DLG2: variants seen among roughly 807,000 people sequenced by gnomAD.
DLG2 encodes discs large MAGUK scaffold protein 2.
A neutral mutation model predicts 132.5 loss-of-function variants in DLG2; 45 were observed. That is an observed-to-expected ratio of 0.34 (90% CI 0.27 to 0.44). DLG2 has a LOEUF of 0.44. Among genes scored for constraint, DLG2 ranks in the 20% least tolerant of loss-of-function variants. The pLI, the probability that DLG2 is intolerant of heterozygous loss-of-function variation, is 1.00. For missense variants in DLG2, 1,045 were observed against 1,196.9 expected, an observed-to-expected ratio of 0.87 and a Z score of 1.87; for synonymous variants, 424 against 419.6, an observed-to-expected ratio of 1.01 and a Z score of -0.13.
rs2059428860 is a variant in DLG2 at position 83,606,926 on chromosome 11, C to A, written c.1940+26285G>T. Among the ~76,000 whole-genome samples the A allele has an allele frequency of 2.0e-5, 3 of 150,074 alleles. No individual in the cohort carries two copies. The South Asian group carries it at 6.3e-4, about 32-fold the overall frequency. ...TGGGCGACAGAGAGAGACTCCGTCT[C>A]AAAAAAAGAAAAAGAAAAAGAAAAA... is the stretch of plus-strand genomic sequence containing the variant. On this transcript the variant is annotated intron_variant, in intron 19 of 27. Transcript: ENST00000376104.
rs185647787 is a variant in DLG2, at chr11:85,357,175, T to C, written c.41-71810A>G. On this transcript the variant is annotated intron_variant, in intron 3 of 27. Coordinates refer to ENST00000376104, the MANE Select transcript of DLG2 (RefSeq NM_001142699.3). ...AGAGCAGCCTGCATTTCCTTTTCACTATGCATACCTCCAAAAAGATAAGGT... is the reference window on the plus strand; with the variant it reads ...AGAGCAGCCTGCATTTCCTTTTCACCATGCATACCTCCAAAAAGATAAGGT... 1.8e-3 allele frequency among the ~76,000 whole-genome samples: 266 copies of C among 151,896 alleles called. 1 individual carries two copies. Among genetic ancestry groups the C allele is most frequent in the African/African-American group, 6.2e-3 (258 of 41,458 alleles).
intron 7 of DLG2, among the ~76,000 whole-genome samples, chr11:84,257,640 C>T (rs1345109849): frequency 1.3e-5 from 2 of 151,556 alleles, no homozygotes; most frequent in African/African-American, 2.4e-5. Flanking sequence ...TGTTCTACTG[C>T]CCCTTAGAAT....
intron 6 of DLG2, among the ~76,000 whole-genome samples, chr11:84,913,172 T>A (rs2092228567): frequency 6.6e-6 from 1 of 152,170 alleles, no homozygotes; most frequent in African/African-American, 2.4e-5. Context: ...ATAGTGATAG[T>A]AAGAAAATTG....
chr11:85,399,582 C>G lies in DLG2; in HGVS notation c.41-114217G>C, dbSNP rs192229266. 2.9e-3 allele frequency among the ~76,000 whole-genome samples: 445 copies of G among 151,730 alleles called. 1 individual carries two copies. The highest frequency in any genetic ancestry group is 0.01 in the African/African-American group (430 of 41,470). On this transcript the variant is annotated intron_variant, in intron 3 of 27. Transcript: ENST00000376104. ...AGCATGGTACTGGTACTAAAACAGA[C>G]ATATAGATCAATGGAATAGAACAGA...
intron 7 of DLG2, among the ~76,000 whole-genome samples, chr11:84,345,922 ACC>A (rs1274906583): frequency 6.6e-6 from 1 of 152,144 alleles, no homozygotes; most frequent in East Asian, 1.9e-4. Context: ...TTACAATTTG[ACC>A]CTTTGTTTAA....
At chr11:85,287,293 G>T (rs1014939437) in intron 3 of DLG2, among the ~76,000 whole-genome samples, 1 of 151,952 alleles carries the variant, frequency 6.6e-6, no homozygotes, top group Non-Finnish European at 1.5e-5. Flanking sequence ...ACAGTATCCA[G>T]ATATGAAAAG....
chr11:84,701,323 T>C (rs1033810522), intron 6 of DLG2, among the ~76,000 whole-genome samples: 1 of 151,672 alleles, frequency 6.6e-6, no homozygotes, highest in Non-Finnish European at 1.5e-5. Context: ...AGTCACTTAA[T>C]CTCTATAATG....
intron 3 of DLG2, among the ~76,000 whole-genome samples, chr11:85,580,913 G>C (rs2078471222): frequency 6.6e-6 from 1 of 152,194 alleles, no homozygotes; most frequent in African/African-American, 2.4e-5. Context: ...TGTCCTTACA[G>C]ATTATGTTTC....
At chr11:84,035,923 G>A (rs1473356754) in intron 11 of DLG2, among the ~76,000 whole-genome samples, 3 of 152,090 alleles carry the variant, frequency 2.0e-5, no homozygotes, top group African/African-American at 4.8e-5. Context: ...TCTGTTTTTG[G>A]CCTAAGCAAC....
intron 4 of DLG2, among the ~76,000 whole-genome samples, chr11:85,254,404 C>T (rs2076558115): frequency 6.6e-6 from 1 of 152,086 alleles, no homozygotes; most frequent in Non-Finnish European, 1.5e-5. Flanking sequence ...ATTGGACAGA[C>T]TTGTCTGAAG....
Position 85,614,746 on chromosome 11 carries a change from C to G in DLG2, c.-93+11841G>C, listed in dbSNP as rs7937107. On this transcript the variant is annotated intron_variant, in intron 2 of 27. Coordinates refer to ENST00000376104, the MANE Select transcript of DLG2 (RefSeq NM_001142699.3). ...GTGGAACAATGCTAGGCATTCTGCA[C>G]TGATCACCTTATTTAATCTTCAAAA... 5.2e-3 allele frequency among the ~76,000 whole-genome samples: 794 copies of G among 152,310 alleles called. 8 individuals carry two copies. The highest frequency in any genetic ancestry group is 0.018 in the African/African-American group (737 of 41,558).
At chr11:85,317,303 C>A (rs142841505) in intron 3 of DLG2, among the ~76,000 whole-genome samples, 1 of 151,630 alleles carries the variant, frequency 6.6e-6, no homozygotes, top group Non-Finnish European at 1.5e-5. Context: ...AATATTAATC[C>A]TTTATTCTAA....
intron 6 of DLG2, among the ~76,000 whole-genome samples, chr11:85,046,600 G>A (rs952849113): frequency 2.0e-5 from 3 of 151,682 alleles, no homozygotes; most frequent in African/African-American, 7.3e-5. Context: ...GTAAAATGGG[G>A]ATAATATTTC....
chr11:83,728,217 T>C (rs1184427314), intron 18 of DLG2, among the ~76,000 whole-genome samples: 3 of 152,176 alleles, frequency 2.0e-5, no homozygotes, highest in African/African-American at 7.2e-5. Flanking sequence ...GAGGACTCCT[T>C]CTAAAATGCT....
In DLG2 at chr11:83,902,189, C is replaced by G. The variant is rs145809999; in HGVS notation, c.1497-27701G>C. Among the ~76,000 whole-genome samples, 1,112 of 152,262 alleles carry G rather than the reference C, an allele frequency of 7.3e-3. 13 individuals are homozygous for G. The highest frequency in any genetic ancestry group is 0.024 in the African/African-American group (1,006 of 41,552). On this transcript the variant is annotated intron_variant, in intron 15 of 27. Coordinates refer to ENST00000376104, the MANE Select transcript of DLG2 (RefSeq NM_001142699.3). ...GGGCTACTCAGCCTTTCTCAAACAT[C>G]TCATGTTCTTTCATGCCACTAGGCA...
intron 11 of DLG2, among the ~76,000 whole-genome samples, chr11:84,008,844 C>A (rs548908039): frequency 1.3e-5 from 2 of 151,448 alleles, no homozygotes; most frequent in African/African-American, 4.8e-5. Context: ...CCTGGGATGA[C>A]CCAGTTGTCA....
intron 10 of DLG2, among the ~76,000 whole-genome samples, chr11:84,079,617 C>T (rs558903858): frequency 1.7e-4 from 26 of 152,288 alleles, no homozygotes; most frequent in African/African-American, 5.5e-4. Flanking sequence ...TAACTGCAGG[C>T]ACTCTTATCA....
intron 6 of DLG2, among the ~76,000 whole-genome samples, chr11:84,872,704 G>A (rs1055554434): frequency 3.3e-5 from 5 of 152,164 alleles, no homozygotes; most frequent in African/African-American, 1.2e-4. Context: ...ATGTAAGCAA[G>A]GAAAACCATA....
intron 6 of DLG2, chr11:84,720,551 C>A (rs991339843): frequency 2.7e-5 from 25 of 917,672 alleles, no homozygotes; most frequent in Non-Finnish European, 3.1e-5. Flanking sequence ...AGCAACGCCG[C>A]GGGCAAGTAC....
Sources: gnomAD v4.1 joint callset for allele counts (sites outside exome capture counted in the v4.1 genomes callset) on GRCh38, gnomAD v4.1.1 for gene constraint, MANE v1.5 for transcripts, NCBI Gene and HGNC (gene_info 2026-07-23, HGNC 2026-07-21) for gene names.